The following CDC37L1 variants were observed in gnomAD, a reference collection of about 807,000 sequenced individuals.
The protein encoded by CDC37L1 is cell division cycle 37 like 1, HSP90 cochaperone.
A neutral mutation model predicts 45.9 loss-of-function variants in CDC37L1; 32 were observed. That is an observed-to-expected ratio of 0.70 (90% CI 0.53 to 0.94). CDC37L1 has a LOEUF of 0.94. Ranked by LOEUF, CDC37L1 falls within the 40% of genes least tolerant of loss-of-function variation. CDC37L1 has a pLI of 0.00. For synonymous variants in CDC37L1, 150 were observed against 133.0 expected (o/e 1.13, Z -0.88); for missense variants, 434 against 405.7 (o/e 1.07, Z -0.60).
rs1272548906 is a variant in CDC37L1, at chr9:4,683,059, T to TTTTAAAATATAC, written c.133-1813_133-1802dup. ...TATATAAAATATATTTTAAAATATA[T>TTTTAAAATATAC]TTTAAAATATACTTTATATATTTTA... On this transcript the variant is annotated intron_variant, in intron 1 of 6. Transcript: ENST00000381854. 6.9e-3 allele frequency among the ~76,000 whole-genome samples: 992 copies of TTTTAAAATATAC among 144,156 alleles called. 11 individuals carry two copies. Among genetic ancestry groups the TTTTAAAATATAC allele is most frequent in the African/African-American group, 0.024 (967 of 39,672 alleles). 94.6% of individuals were successfully genotyped at this position (144,156 alleles called of 152,430 possible).
chr9:4,680,135 G>A (rs1160243321), intron 1 of CDC37L1, among the ~76,000 whole-genome samples: 1 of 152,080 alleles, frequency 6.6e-6, no homozygotes, highest in African/African-American at 2.4e-5. Flanking sequence ...GTTTTCTTTC[G>A]CCTTGGCTGA....
At chr9:4,695,733 C>G (rs1841341603) in intron 3 of CDC37L1, among the ~76,000 whole-genome samples, 1 of 152,112 alleles carries the variant, frequency 6.6e-6, no homozygotes, top group Admixed American at 6.6e-5. Flanking sequence ...CTGGACTCCA[C>G]CATTCCTCTG....
At chr9:4,686,704 C>T (rs569461249) in intron 2 of CDC37L1, among the ~76,000 whole-genome samples, 1 of 152,316 alleles carries the variant, frequency 6.6e-6, no homozygotes, top group South Asian at 2.1e-4. Context: ...ATGTTCCAGT[C>T]ATTTGCTCAA....
chr9:4,696,471 C>T (rs1445194299), intron 3 of CDC37L1, among the ~76,000 whole-genome samples: 1 of 145,948 alleles, frequency 6.9e-6, no homozygotes, highest in African/African-American at 2.7e-5. Flanking sequence ...TAATAAGCCT[C>T]TCATCTTTAT....
intron 5 of CDC37L1, among the ~76,000 whole-genome samples, chr9:4,701,644 T>C (rs1201329468): frequency 1.3e-5 from 2 of 152,188 alleles, no homozygotes; most frequent in African/African-American, 2.4e-5. Context: ...TATTAGCTTA[T>C]TTTGCTGAAG....
At chr9:4,681,997 G>C (rs1221949465) in intron 1 of CDC37L1, among the ~76,000 whole-genome samples, 1 of 152,058 alleles carries the variant, frequency 6.6e-6, no homozygotes, top group Non-Finnish European at 1.5e-5. Flanking sequence ...TTGCCCAAAT[G>C]GCCAAATGTT....
At chr9:4,702,287 G>A (rs984283499) in intron 6 of CDC37L1, among the ~76,000 whole-genome samples, 11 of 152,068 alleles carry the variant, frequency 7.2e-5, no homozygotes, top group Admixed American at 4.6e-4. Context: ...ACAAATCTTA[G>A]CTATTGATCA....
chr9:4,692,681 T>C (rs1841312856), intron 3 of CDC37L1, among the ~76,000 whole-genome samples: 1 of 152,240 alleles, frequency 6.6e-6, no homozygotes, highest in Non-Finnish European at 1.5e-5. Context: ...ATTTTCCGGA[T>C]TTTAAAAATT....
At chr9:4,685,603 C>T (rs1841240004) in intron 2 of CDC37L1, 1 of 157,520 alleles carries the variant, frequency 6.3e-6, no homozygotes, top group Non-Finnish European at 1.4e-5. Flanking sequence ...GACTTGATAA[C>T]TTAGTGGTGG....
At chr9:4,683,959 G>A (rs1236020990) in intron 1 of CDC37L1, among the ~76,000 whole-genome samples, 1 of 152,204 alleles carries the variant, frequency 6.6e-6, no homozygotes, top group African/African-American at 2.4e-5. Flanking sequence ...GAGTAGTACG[G>A]TCAGCAGGGT....
chr9:4,704,014 C>G (rs1301343828), intron 6 of CDC37L1, among the ~76,000 whole-genome samples: 3 of 152,124 alleles, frequency 2.0e-5, no homozygotes, highest in African/African-American at 7.2e-5. Context: ...CAGTTAGATG[C>G]TTGCTACATG....
At chr9:4,705,104 C>T (rs1841430354) in intron 6 of CDC37L1, among the ~76,000 whole-genome samples, 1 of 152,134 alleles carries the variant, frequency 6.6e-6, no homozygotes, top group Admixed American at 6.5e-5. Context: ...CTTTAGAAAA[C>T]CCTGCCTCCC....
intron 3 of CDC37L1, 151 bp downstream of exon 3, chr9:4,688,757 A>ATT (rs377728643): frequency 6.2e-4 from 234 of 379,210 alleles, no homozygotes; most frequent in South Asian, 1.8e-3. Flanking sequence ...TTGTTTTAGA[A>ATT]TTTTTTTTTT....
chr9:4,701,522 G>T (rs1166086553), intron 5 of CDC37L1, among the ~76,000 whole-genome samples: 2 of 152,196 alleles, frequency 1.3e-5, no homozygotes, highest in Admixed American at 6.5e-5. Context: ...GAATTGGACA[G>T]ATTAAATGAC....
chr9:4,692,106 G>C (rs1841305841), intron 3 of CDC37L1, among the ~76,000 whole-genome samples: 1 of 152,032 alleles, frequency 6.6e-6, no homozygotes, highest in African/African-American at 2.4e-5. Context: ...CAAATACTAT[G>C]ATAGAAGTTT....
At chr9:4,684,533 T>G (rs1211023160) in intron 1 of CDC37L1, among the ~76,000 whole-genome samples, 1 of 152,220 alleles carries the variant, frequency 6.6e-6, no homozygotes, top group African/African-American at 2.4e-5. Context: ...ATTGAGGTGA[T>G]GAACTAGATT....
chr9:4,706,110 T>C lies in CDC37L1; in HGVS notation c.1012T>C (p.Ter338GlnextTer3), dbSNP rs778946841. 1 of 1,539,616 alleles carries C rather than the reference T, an allele frequency of 6.5e-7. No individual in the cohort carries two copies. Among genetic ancestry groups the C allele is most frequent in the East Asian group, 2.2e-5 (1 of 44,470 alleles). The change falls in exon 7 of 7, where the codon TAA (stop) becomes CAA (glutamine). Residue 338 changes from the stop codon to glutamine, a stop_lost. Coordinates refer to ENST00000381854, the MANE Select transcript of CDC37L1 (RefSeq NM_017913.4). ...TGAACCCAAAATGATGGACACTGTA[T>C]AATTTGGTTAAGACTGCTGAGGCCA... ...DDEPKMMDTV[*>Q]
At chr9:4,690,670 C>G (rs1419593808) in intron 3 of CDC37L1, among the ~76,000 whole-genome samples, 4 of 152,312 alleles carry the variant, frequency 2.6e-5, no homozygotes, top group African/African-American at 9.6e-5. Context: ...TTCCAATATA[C>G]TATCTTGTAA....
At chr9:4,698,806 G>T (rs1008260733) in intron 5 of CDC37L1, among the ~76,000 whole-genome samples, 7 of 152,084 alleles carry the variant, frequency 4.6e-5, no homozygotes, top group African/African-American at 1.7e-4. Flanking sequence ...TCATTCCTCA[G>T]TAGTGTACAA....
Sources: allele counts gnomAD v4.1 joint callset (sites outside exome capture counted in the v4.1 genomes callset), GRCh38; gene constraint gnomAD v4.1.1; transcripts MANE v1.5; gene names NCBI Gene and HGNC (gene_info 2026-07-23, HGNC 2026-07-21).